The following PALD1 variants were observed in gnomAD, a reference collection of about 807,000 sequenced individuals.
The protein encoded by PALD1 is phosphatase domain containing paladin 1.
PALD1 carries 57 observed loss-of-function variants against 96.0 expected under a neutral mutation model. The ratio of observed to expected loss-of-function variants is 0.59; its 90% CI spans 0.48 to 0.74. PALD1 has a LOEUF of 0.74. Ranked by LOEUF, PALD1 falls within the 30% of genes least tolerant of loss-of-function variation. The pLI, the probability that PALD1 is intolerant of heterozygous loss-of-function variation, is 0.00. For synonymous variants in PALD1, 464 were observed against 473.6 expected (o/e 0.98, Z 0.26); for missense variants, 1,063 against 1,143.7 (o/e 0.93, Z 1.02).
chr10:70,502,735 G>T (rs922183936), intron 1 of PALD1, among the ~76,000 whole-genome samples: 5 of 152,114 alleles, frequency 3.3e-5, no homozygotes, highest in Non-Finnish European at 7.3e-5. Flanking sequence ...AATTATTACC[G>T]GTTTACATCC....
At chr10:70,533,102 A>G (rs1041801941) in intron 7 of PALD1, 32 bp downstream of exon 7, 70 of 1,534,030 alleles carry the variant, frequency 4.6e-5, no homozygotes, top group Non-Finnish European at 5.8e-5. Context: ...ATGGGGGAGG[A>G]GTCTTGAGAG....
the PALD1 span, among the ~76,000 whole-genome samples, chr10:70,469,316 C>T: frequency 1.3e-5 from 2 of 152,180 alleles, no homozygotes; most frequent in Non-Finnish European, 2.9e-5. Flanking sequence ...TGGGCGGAGC[C>T]TGGGAGTCTG....
rs1044270982 is a variant in PALD1, at chr10:70,531,636, GCT to G, written c.633+187_633+188del. Among the ~76,000 whole-genome samples, 39 of 152,226 alleles carry G rather than the reference GCT, an allele frequency of 2.6e-4. 1 individual carries two copies. The highest frequency in any genetic ancestry group is 8.9e-4 in the African/African-American group (37 of 41,540). Reference sequence around the variant, plus strand: ...GCCAGAGGAAGGACTTCCTATTCTAGCTCTCTTTGCCTCTGCCCCTTTCCCAC... The same window carrying G: ...GCCAGAGGAAGGACTTCCTATTCTAGCTCTTTGCCTCTGCCCCTTTCCCAC... On this transcript the variant is annotated intron_variant, in intron 5 of 19. Transcript: ENST00000263563.
chr10:70,502,145 C>T (rs1053325307), intron 1 of PALD1, among the ~76,000 whole-genome samples: 1 of 150,792 alleles, frequency 6.6e-6, no homozygotes, highest in Non-Finnish European at 1.5e-5. Context: ...ACAAAAAATA[C>T]AGACTCCTGT....
intron 1 of PALD1, among the ~76,000 whole-genome samples, chr10:70,509,120 C>T (rs1471880120): frequency 2.0e-5 from 3 of 152,166 alleles, no homozygotes; most frequent in Admixed American, 1.3e-4. Context: ...CTGCCAGGGG[C>T]GTGTGAGAGG....
Position 70,537,804 on chromosome 10 carries a change from C to CT in PALD1, c.1228-6dup. On this transcript the variant is annotated splice_polypyrimidine_tract_variant and splice_region_variant and intron_variant, in intron 10 of 19. Transcript: ENST00000263563. ...GTCTGTCCTTAACACCCTGTCCTCT[C>CT]TCTCAGGGAAGCGGCAGCCGACACA... The CT allele has an allele frequency of 6.2e-7, 1 of 1,601,894 alleles. No homozygotes were observed.
chr10:70,474,512 G>A (rs528107143), upstream of PALD1, among the ~76,000 whole-genome samples: 6 of 152,314 alleles, frequency 3.9e-5, no homozygotes, highest in East Asian at 1.2e-3. Context: ...AGTGAGCCGA[G>A]ATTGTGCCAC....
At chr10:70,481,757 C>T (rs568570686) in intron 1 of PALD1, among the ~76,000 whole-genome samples, 1 of 152,228 alleles carries the variant, frequency 6.6e-6, no homozygotes, top group African/African-American at 2.4e-5. Flanking sequence ...CCCTCTGGGG[C>T]GGGCTCCTTC....
At chr10:70,507,768 T>C (rs867298249) in intron 1 of PALD1, among the ~76,000 whole-genome samples, 34 of 142,252 alleles carry the variant, frequency 2.4e-4, no homozygotes, top group Middle Eastern at 3.4e-3. Flanking sequence ...TGTGTGTGTG[T>C]GTGTGTGTGT....
intron 1 of PALD1, among the ~76,000 whole-genome samples, chr10:70,504,996 C>T (rs925522886): frequency 1.3e-5 from 2 of 152,164 alleles, no homozygotes; most frequent in African/African-American, 2.4e-5. Flanking sequence ...GGCTCCGTTA[C>T]GGGATTTTGT....
chr10:70,466,988 C>G, the PALD1 span, among the ~76,000 whole-genome samples: 3 of 152,176 alleles, frequency 2.0e-5, no homozygotes, highest in Admixed American at 2.0e-4. Context: ...TGCCTCCTGC[C>G]AGCAGCAGCC....
chr10:70,508,866 T>A (rs1846458579), intron 1 of PALD1, among the ~76,000 whole-genome samples: 1 of 150,250 alleles, frequency 6.7e-6, no homozygotes, highest in African/African-American at 2.5e-5. Flanking sequence ...TGCAGGCCTG[T>A]GGGAGTTGCG....
At chr10:70,554,909 CCCCT>C in intron 18 of PALD1, among the ~76,000 whole-genome samples, 1 of 62,088 alleles carries the variant, frequency 1.6e-5, no homozygotes, top group Admixed American at 1.7e-4. Context: ...AGCCTCCCCT[CCCCT>C]CTCCTCCCCT....
At chr10:70,536,074 C>T (rs7099471) in intron 10 of PALD1, among the ~76,000 whole-genome samples, 2 of 151,942 alleles carry the variant, frequency 1.3e-5, no homozygotes, top group African/African-American at 4.8e-5. Context: ...GTTTGAGACC[C>T]GACTGGCTAA....
At chr10:70,472,608 C>T in the PALD1 span, among the ~76,000 whole-genome samples, 2 of 152,258 alleles carry the variant, frequency 1.3e-5, no homozygotes, top group South Asian at 4.1e-4. Flanking sequence ...GAAGGGGTGA[C>T]AGCCTTTTTA....
At chr10:70,542,300 A>C (rs1170334576) in intron 17 of PALD1, among the ~76,000 whole-genome samples, 1 of 152,196 alleles carries the variant, frequency 6.6e-6, no homozygotes, top group Non-Finnish European at 1.5e-5. Flanking sequence ...CATAACATAA[A>C]ATGTACCATT....
At chr10:70,566,530 T>C in intron 19 of PALD1, 51 bp from the exon 20 acceptor site, 2 of 1,469,982 alleles carry the variant, frequency 1.4e-6, no homozygotes, top group Non-Finnish European at 1.9e-6. Flanking sequence ...GTGGCCTTAG[T>C]GGCACCCTCC....
chr10:70,520,086 C>T (rs890223136), intron 1 of PALD1, among the ~76,000 whole-genome samples: 5 of 152,068 alleles, frequency 3.3e-5, no homozygotes, highest in Non-Finnish European at 5.9e-5. Flanking sequence ...TAAGGTGGGA[C>T]TTGGGATTGT....
In PALD1 at chr10:70,540,782, G is replaced by T. The variant is rs572523707; in HGVS notation, c.1909-320G>T. 6.6e-6 allele frequency among the ~76,000 whole-genome samples: 1 copy of T among 152,188 alleles called. No homozygotes were observed. The highest frequency in any genetic ancestry group is 1.5e-5 in the Non-Finnish European group (1 of 68,016). On this transcript the variant is annotated intron_variant, in intron 15 of 19. Coordinates refer to ENST00000263563, the MANE Select transcript of PALD1 (RefSeq NM_014431.3). The surrounding 1 kb of genome is among the most constrained non-coding windows in gnomAD (Gnocchi z 4.2). ...AGCAGTCTATGTGCAGCCCAGGGGC[G>T]CAGTACACAGGGGTGACATACAGGT...
Sources: gnomAD v4.1 joint callset for allele counts (sites outside exome capture counted in the v4.1 genomes callset) on GRCh38, gnomAD v4.1.1 for gene constraint, Gnocchi (gnomAD v3.1) non-coding constraint, MANE v1.5 for transcripts, NCBI Gene and HGNC (gene_info 2026-07-23, HGNC 2026-07-21) for gene names.